The following HIPK3 variants were observed in gnomAD, a reference collection of about 807,000 sequenced individuals.
HIPK3 encodes the protein homeodomain-interacting protein kinase 3.
Under a neutral mutation model 124.2 loss-of-function variants are expected in HIPK3, and 47 were observed. The ratio of observed to expected loss-of-function variants is 0.38; its 90% CI spans 0.30 to 0.48. The LOEUF is 0.48. Among genes scored for constraint, HIPK3 ranks in the 20% least tolerant of loss-of-function variants. The pLI is 0.98. For synonymous variants in HIPK3, 482 were observed against 515.2 expected, an observed-to-expected ratio of 0.94 and a Z score of 0.87; for missense variants, 1,286 against 1,454.3, an observed-to-expected ratio of 0.88 and a Z score of 1.88.
At chr11:33,284,991 A>G (rs1299548069) in intron 1 of HIPK3, among the ~76,000 whole-genome samples, 2 of 152,220 alleles carry the variant, frequency 1.3e-5, no homozygotes, top group Non-Finnish European at 2.9e-5. Flanking sequence ...ATAGGTCAGC[A>G]GTTGCTAGGT....
intron 1 of HIPK3, among the ~76,000 whole-genome samples, chr11:33,286,059 A>G (rs113658436): frequency 3.3e-5 from 5 of 152,204 alleles, no homozygotes; most frequent in East Asian, 1.9e-4. Context: ...ACAGGGATCT[A>G]TACTTTTCTT....
intron 3 of HIPK3, among the ~76,000 whole-genome samples, chr11:33,331,112 A>C (rs1442765084): frequency 6.6e-6 from 1 of 151,914 alleles, no homozygotes; most frequent in Non-Finnish European, 1.5e-5. Context: ...TAAACTCCTG[A>C]TCTCAAATGA....
chr11:33,352,077 T>C (rs986103948), intron 15 of HIPK3, 61 bp from the exon 16 acceptor site: 2 of 1,488,452 alleles, frequency 1.3e-6, no homozygotes, highest in South Asian at 1.2e-5. Flanking sequence ...CTAAAGACTT[T>C]GCTAATTTTT....
Position 33,338,839 on chromosome 11 carries a change from C to T in HIPK3, c.1424C>T (p.Ala475Val), listed in dbSNP as rs559716959. The T allele has an allele frequency of 1.2e-5, 20 of 1,606,406 alleles. No individual in the cohort carries two copies. In the African/African-American group the frequency reaches 2.1e-4, roughly 17 times the overall value. The change falls in exon 5 of 17, where the codon GCG becomes GTG. Residue 475 changes from alanine to valine, a missense_variant. Transcript: ENST00000303296. Reference protein sequence around the residue: ...KYIFNSLDDVAHVNTVMDLEG... With the variant: ...KYIFNSLDDVVHVNTVMDLEG... Reference sequence around the variant, plus strand: ...ATTTTCAACAGTCTGGATGATGTAGCGCATGTGAGTACCATAGCCACATTT... The same window carrying T: ...ATTTTCAACAGTCTGGATGATGTAGTGCATGTGAGTACCATAGCCACATTT...
chr11:33,306,252 C>T (rs1028217813), intron 2 of HIPK3, among the ~76,000 whole-genome samples: 12 of 151,970 alleles, frequency 7.9e-5, no homozygotes, highest in African/African-American at 2.9e-4. Context: ...AATTATACTT[C>T]TAATCTAAGG....
chr11:33,284,897 C>T lies in HIPK3; in HGVS notation c.-2-1516C>T, dbSNP rs570335557. Among the ~76,000 whole-genome samples the T allele has an allele frequency of 1.6e-4, 25 of 152,224 alleles. No individual in the cohort carries two copies. The South Asian group carries it at 5.0e-3, about 30-fold the overall frequency. ...CAGACCAAGTAGATGGAAGGCAGAT[C>T]TAACACCTGTGTAATTATCAGTTTT... On this transcript the variant is annotated intron_variant, in intron 1 of 16. Transcript: ENST00000303296.
chr11:33,265,312 T>TTAAAG (rs141996537), intron 1 of HIPK3, among the ~76,000 whole-genome samples: 10,955 of 152,194 alleles, frequency 0.072, 807 homozygotes, highest in African/African-American at 0.19. Context: ...TGGTTGTAGT[T>TTAAAG]TTGTATTTTA....
chr11:33,337,175 A>C lies in HIPK3; in HGVS notation c.1322A>C (p.His441Pro). 1 of 1,549,384 alleles carries C rather than the reference A, an allele frequency of 6.5e-7. No homozygotes were observed. The highest frequency in any genetic ancestry group is 8.9e-7 in the Non-Finnish European group (1 of 1,127,256). The change falls in exon 4 of 17, where the codon CAT becomes CCT. Residue 441 changes from histidine (H) to proline (P), a missense_variant. Coordinates refer to ENST00000303296, the MANE Select transcript of HIPK3 (RefSeq NM_005734.5). ...TTTTGCAAAGAAACAGATATGTCTC[A>C]TTCTGGTTGGAGATTAAAGGTAATT... ...RFFCKETDMSHSGWRLKTLEE... is the reference protein window; with the variant it reads ...RFFCKETDMSPSGWRLKTLEE...
In HIPK3 at chr11:33,317,008, G is replaced by GCCTT. The variant is rs1258580586; in HGVS notation, c.1098-11501_1098-11498dup. On this transcript the variant is annotated intron_variant, in intron 2 of 16. Coordinates refer to ENST00000303296, the MANE Select transcript of HIPK3 (RefSeq NM_005734.5). ...TTTAATTAATTTTTTTTGAGACAGA[G>GCCTT]CCTTGCTCTGTTGCCCAGGCTGGTG... 4.6e-5 allele frequency among the ~76,000 whole-genome samples: 7 copies of GCCTT among 152,160 alleles called. No homozygotes were observed. The East Asian group carries it at 1.4e-3, about 29-fold the overall frequency.
At chr11:33,349,087 G>T in intron 13 of HIPK3, 60 bp from the exon 14 acceptor site, 3 of 1,486,082 alleles carry the variant, frequency 2.0e-6, no homozygotes, top group Non-Finnish European at 1.8e-6. Context: ...ATAAATTTTG[G>T]CTATTTGGAG....
chr11:33,339,592 T>C, intron 6 of HIPK3, 58 bp downstream of exon 6: 1 of 1,218,730 alleles, frequency 8.2e-7, no homozygotes, highest in Non-Finnish European at 1.2e-6. Context: ...CTGTAGAAAA[T>C]GACTGCATCA....
chr11:33,327,322 C>CA (rs531181301), intron 2 of HIPK3, among the ~76,000 whole-genome samples: 288 of 152,118 alleles, frequency 1.9e-3, no homozygotes, highest in African/African-American at 5.8e-3. Context: ...TATGAGGAAA[C>CA]ATCAGACAAA....
chr11:33,262,968 G>C (rs1377756322), intron 1 of HIPK3, among the ~76,000 whole-genome samples: 1 of 151,974 alleles, frequency 6.6e-6, no homozygotes, highest in Non-Finnish European at 1.5e-5. Context: ...AGGAGGTATC[G>C]CCACCATGTC....
intron 2 of HIPK3, among the ~76,000 whole-genome samples, chr11:33,306,637 G>C (rs940736201): frequency 2.0e-5 from 3 of 152,172 alleles, no homozygotes; most frequent in African/African-American, 7.2e-5. Flanking sequence ...CTTGGCCTCA[G>C]TTTAGTCATC....
intron 14 of HIPK3, among the ~76,000 whole-genome samples, chr11:33,351,023 C>A (rs972591909): frequency 6.6e-6 from 1 of 151,986 alleles, no homozygotes; most frequent in Non-Finnish European, 1.5e-5. Flanking sequence ...TTGAAACAGA[C>A]AATAAATGCT....
Position 33,353,867 on chromosome 11 carries a change from G to A in HIPK3, c.*299G>A, listed in dbSNP as rs1192667944. On this transcript the variant is annotated 3_prime_UTR_variant, in exon 17 of 17. Transcript: ENST00000303296. ...TTGCCTTCTAACTAGTGCAAGACAC[G>A]TCTACATTTGGGAAGCCATTCTGTG... is the stretch of plus-strand genomic sequence containing the variant. The A allele has an allele frequency of 3.3e-5, 11 of 337,878 alleles. No individual in the cohort carries two copies. Among genetic ancestry groups the A allele is most frequent in the East Asian group, 7.3e-5 (1 of 13,712 alleles). The allele number at this position is 337,878 out of a possible 1,614,324, so 20.9% of individuals were successfully genotyped here. A position where few individuals can be genotyped will look rare whatever the true frequency, so the allele number is the denominator to read the frequency against.
At chr11:33,321,532 A>C (rs1852662874) in intron 2 of HIPK3, among the ~76,000 whole-genome samples, 1 of 152,210 alleles carries the variant, frequency 6.6e-6, no homozygotes, top group Admixed American at 6.5e-5. Flanking sequence ...TGGATGTCTT[A>C]GATAGAAGCA....
chr11:33,325,999 A>C (rs1852801520), intron 2 of HIPK3, among the ~76,000 whole-genome samples: 2 of 152,140 alleles, frequency 1.3e-5, no homozygotes, highest in Admixed American at 1.3e-4. Flanking sequence ...CTTGTTTTCA[A>C]CAAATGCCTG....
At chr11:33,315,302 C>T (rs1304370739) in intron 2 of HIPK3, among the ~76,000 whole-genome samples, 1 of 152,230 alleles carries the variant, frequency 6.6e-6, no homozygotes, top group Non-Finnish European at 1.5e-5. Flanking sequence ...TCTTGACTCA[C>T]TGCAACCTTG....
Sources: allele counts gnomAD v4.1 joint callset (sites outside exome capture counted in the v4.1 genomes callset), GRCh38; gene constraint gnomAD v4.1.1; transcripts MANE v1.5; gene names NCBI Gene and HGNC (gene_info 2026-07-23, HGNC 2026-07-21).